The following PHACTR1 variants were observed in gnomAD, a reference collection of about 807,000 sequenced individuals.
PHACTR1 encodes phosphatase and actin regulator 1, also known as RPEL repeat containing 1.
A neutral mutation model predicts 69.2 loss-of-function variants in PHACTR1; 16 were observed. The observed-to-expected ratio is 0.23, with a 90% confidence interval of 0.16 to 0.35. The LOEUF is 0.35. PHACTR1 is among the 10% of genes least tolerant of loss of function. The pLI is 1.00. For synonymous variants in PHACTR1, 312 were observed against 284.5 expected (o/e 1.10, Z -0.97); for missense variants, 510 against 734.7 (o/e 0.69, Z 3.54).
intron 5 of PHACTR1, among the ~76,000 whole-genome samples, chr6:13,132,730 A>T (rs76483565): frequency 9.3e-3 from 313 of 33,640 alleles, no homozygotes; most frequent in African/African-American, 0.015. Flanking sequence ...CCGTATTGCT[A>T]AAAAAAAAAA....
intron 4 of PHACTR1, among the ~76,000 whole-genome samples, chr6:12,917,284 T>G (rs1582470151): frequency 1.3e-5 from 2 of 152,258 alleles, no homozygotes; most frequent in East Asian, 3.8e-4. Context: ...ACTTGTAGCA[T>G]AGCCTGGATT....
At chr6:12,723,472 C>A (rs1417617503) in intron 3 of PHACTR1, among the ~76,000 whole-genome samples, 1 of 150,214 alleles carries the variant, frequency 6.7e-6, no homozygotes, top group Non-Finnish European at 1.5e-5. Context: ...ACCTGGAATC[C>A]TTGTTTTGGC....
intron 4 of PHACTR1, among the ~76,000 whole-genome samples, chr6:12,835,696 C>T (rs1177798536): frequency 6.6e-6 from 1 of 151,978 alleles, no homozygotes; most frequent in Non-Finnish European, 1.5e-5. Context: ...TATTCTTCAC[C>T]ATGGTTTTAT....
intron 4 of PHACTR1, among the ~76,000 whole-genome samples, chr6:12,889,512 C>T (rs1227713911): frequency 6.6e-6 from 1 of 152,208 alleles, no homozygotes; most frequent in Non-Finnish European, 1.5e-5. Flanking sequence ...TGTCGGCCTT[C>T]TCTCAAATTT....
intron 10 of PHACTR1, among the ~76,000 whole-genome samples, chr6:13,262,798 G>T (rs897440886): frequency 6.6e-6 from 1 of 152,160 alleles, no homozygotes; most frequent in African/African-American, 2.4e-5. Context: ...GTCATTCTCT[G>T]TGAGGACTTT....
intron 12 of PHACTR1, chr6:13,280,745 G>A (rs1182185432): frequency 8.9e-6 from 3 of 335,564 alleles, no homozygotes; most frequent in African/African-American, 4.3e-5. Flanking sequence ...GCGGCCAGGC[G>A]CAGTGGCTCA....
chr6:13,208,606 G>C (rs1766280571), intron 8 of PHACTR1, among the ~76,000 whole-genome samples: 1 of 151,314 alleles, frequency 6.6e-6, no homozygotes, highest in African/African-American at 2.4e-5. Context: ...CTAAGGACAT[G>C]TAGCAGCCAA....
intron 4 of PHACTR1, among the ~76,000 whole-genome samples, chr6:12,809,067 T>C (rs1429877493): frequency 3.9e-5 from 6 of 152,012 alleles, no homozygotes; most frequent in African/African-American, 1.2e-4. Flanking sequence ...GTGTATTTTT[T>C]TGTAGAGATG....
chr6:12,778,100 G>GA (rs147197434), intron 4 of PHACTR1, among the ~76,000 whole-genome samples: 10,190 of 148,148 alleles, frequency 0.069, 433 homozygotes, highest in Admixed American at 0.1. Context: ...CCTTTTAAAA[G>GA]AAAAAAAAAA....
intron 5 of PHACTR1, among the ~76,000 whole-genome samples, chr6:13,123,919 G>A (rs1308842376): frequency 2.0e-5 from 3 of 152,122 alleles, no homozygotes; most frequent in Non-Finnish European, 2.9e-5. Flanking sequence ...CAAATGGCAG[G>A]TTTGAAGATG....
chr6:13,226,711 G>C (rs1584067675), intron 8 of PHACTR1, among the ~76,000 whole-genome samples: 2 of 151,732 alleles, frequency 1.3e-5, no homozygotes, highest in East Asian at 3.9e-4. Flanking sequence ...CACGCATGTA[G>C]TAACTTTCGA....
At chr6:13,060,825 G>T (rs868015642) in intron 5 of PHACTR1, among the ~76,000 whole-genome samples, 8 of 152,294 alleles carry the variant, frequency 5.3e-5, no homozygotes, top group Middle Eastern at 3.4e-3. Context: ...ACAGCTCATA[G>T]TTGGGTCCAT....
chr6:13,196,164 G>T (rs1338018873), intron 7 of PHACTR1, among the ~76,000 whole-genome samples: 1 of 152,188 alleles, frequency 6.6e-6, no homozygotes, highest in East Asian at 1.9e-4. Flanking sequence ...CATTAGAAAG[G>T]CAAGAAGTAG....
chr6:13,035,420 C>A (rs1262272647), intron 4 of PHACTR1, among the ~76,000 whole-genome samples: 2 of 102,354 alleles, frequency 2.0e-5, no homozygotes, highest in East Asian at 7.1e-4. Context: ...CAGAAAAGTT[C>A]TATATGATTT....
intron 4 of PHACTR1, among the ~76,000 whole-genome samples, chr6:12,768,321 A>G (rs1296685369): frequency 1.3e-5 from 2 of 151,944 alleles, no homozygotes; most frequent in Admixed American, 6.6e-5. Flanking sequence ...TCACCGTGTT[A>G]GACAGGATGC....
At chr6:12,839,749 G>A (rs754283589) in intron 4 of PHACTR1, among the ~76,000 whole-genome samples, 2 of 152,128 alleles carry the variant, frequency 1.3e-5, no homozygotes, top group Non-Finnish European at 2.9e-5. Flanking sequence ...AAATTATAAT[G>A]AATGAAGTAA....
intron 7 of PHACTR1, among the ~76,000 whole-genome samples, chr6:13,195,124 G>A (rs532282619): frequency 3.9e-5 from 6 of 152,154 alleles, no homozygotes; most frequent in African/African-American, 1.2e-4. Context: ...GGCGGGCCTC[G>A]TGTTCTGAAG....
intron 8 of PHACTR1, among the ~76,000 whole-genome samples, chr6:13,222,531 G>A (rs141483156): frequency 2.3e-3 from 347 of 152,304 alleles, no homozygotes; most frequent in Middle Eastern, 3.4e-3. Flanking sequence ...AGAGGATCTG[G>A]ACAGTTCTTC....
At chr6:13,009,533 T>A (rs965558093) in intron 4 of PHACTR1, among the ~76,000 whole-genome samples, 16 of 152,188 alleles carry the variant, frequency 1.1e-4, no homozygotes, top group Admixed American at 9.2e-4. Context: ...TAAAGCACTT[T>A]TGTGAGCATT....
Sources: gnomAD v4.1 joint callset for allele counts (sites outside exome capture counted in the v4.1 genomes callset) on GRCh38, gnomAD v4.1.1 for gene constraint, MANE v1.5 for transcripts, NCBI Gene and HGNC (gene_info 2026-07-23, HGNC 2026-07-21) for gene names.